Variants in IL1RAPL2 observed in about 807,000 individuals in gnomAD.
IL1RAPL2 encodes X-linked interleukin-1 receptor accessory protein-like 2.
Under a neutral mutation model 44.1 loss-of-function variants are expected in IL1RAPL2, and 3 were observed. The observed-to-expected ratio is 0.07, with a 90% CI of 0.03 to 0.18. The LOEUF (loss-of-function observed/expected upper bound fraction) is 0.18. Ranked by LOEUF, IL1RAPL2 falls within the 10% of genes least tolerant of loss-of-function variation. IL1RAPL2 has a pLI of 1.00. For missense variants in IL1RAPL2, 391 were observed against 496.4 expected (o/e 0.79, Z 2.02); for synonymous variants, 181 against 178.8 (o/e 1.01, Z -0.10).
At chrX:105,273,747 C>A (rs773133035) in intron 5 of IL1RAPL2, among the ~76,000 whole-genome samples, 1 of 111,943 alleles carries the variant, frequency 8.9e-6, no homozygotes, top group African/African-American at 3.2e-5. Flanking sequence ...ATTCTGAAGG[C>A]TCCTGTGTAT....
intron 1 of IL1RAPL2, among the ~76,000 whole-genome samples, chrX:104,585,312 A>AT (rs1928511435): frequency 4.6e-5 from 1 of 21,700 alleles, no homozygotes; most frequent in Non-Finnish European, 6.6e-5. Flanking sequence ...TATATTATAT[A>AT]ATATATATTA....
chrX:104,858,715 G>A (rs963991279), intron 2 of IL1RAPL2, among the ~76,000 whole-genome samples: 1 of 111,532 alleles, frequency 9.0e-6, no homozygotes, highest in South Asian at 3.7e-4. Flanking sequence ...AATAAAAGAC[G>A]ATTGCATTTC....
intron 5 of IL1RAPL2, among the ~76,000 whole-genome samples, chrX:105,358,619 G>T (rs751445910): frequency 1.3e-4 from 14 of 104,075 alleles, no homozygotes; most frequent in Non-Finnish European, 2.7e-4. Flanking sequence ...AGGCTGCAGT[G>T]AGCTGTGTTC....
At chrX:104,861,822 C>T (rs890080426) in intron 2 of IL1RAPL2, among the ~76,000 whole-genome samples, 2 of 111,749 alleles carry the variant, frequency 1.8e-5, no homozygotes, top group African/African-American at 6.5e-5. Context: ...TGTTTATTCA[C>T]GTTTTAAAAT....
chrX:105,025,500 A>G (rs1433057512), intron 2 of IL1RAPL2, among the ~76,000 whole-genome samples: 2 of 111,605 alleles, frequency 1.8e-5, no homozygotes, highest in Non-Finnish European at 3.8e-5. Flanking sequence ...ATTAATGTTG[A>G]AAATTGTTAC....
At chrX:105,288,759 A>T (rs56813225) in intron 5 of IL1RAPL2, among the ~76,000 whole-genome samples, 3,998 of 110,658 alleles carry the variant, frequency 0.036, 205 homozygotes, top group African/African-American at 0.12. Flanking sequence ...GCTTTTTGAC[A>T]TTAAATTTGT....
intron 1 of IL1RAPL2, among the ~76,000 whole-genome samples, chrX:104,574,071 G>T (rs990760861): frequency 9.0e-6 from 1 of 111,263 alleles, no homozygotes; most frequent in Non-Finnish European, 1.9e-5. Context: ...TTTATTTTAT[G>T]ATATGTTTAT....
chrX:104,951,928 TTGAG>T (rs1296993376), intron 2 of IL1RAPL2, among the ~76,000 whole-genome samples: 2 of 112,342 alleles, frequency 1.8e-5, no homozygotes, highest in African/African-American at 6.5e-5. Flanking sequence ...GCATTGATCT[TTGAG>T]TGAGCTACAA....
At chrX:105,489,319 A>T (rs1010071119) in intron 6 of IL1RAPL2, among the ~76,000 whole-genome samples, 20 of 111,989 alleles carry the variant, frequency 1.8e-4, no homozygotes, top group Middle Eastern at 4.7e-3. Context: ...AGTTGAAAAA[A>T]AAATATTTTC....
chrX:104,933,101 A>T (rs965440339), intron 2 of IL1RAPL2, among the ~76,000 whole-genome samples: 2 of 112,056 alleles, frequency 1.8e-5, no homozygotes, highest in Non-Finnish European at 3.8e-5. Flanking sequence ...AGTAGATTGA[A>T]AAGTACAATC....
chrX:105,532,911 A>T (rs2147793819), intron 6 of IL1RAPL2, among the ~76,000 whole-genome samples: 1 of 111,280 alleles, frequency 9.0e-6, no homozygotes, highest in African/African-American at 3.3e-5. Context: ...TAAATTTGCT[A>T]CCAGGTGCGG....
intron 6 of IL1RAPL2, among the ~76,000 whole-genome samples, chrX:105,578,221 A>G (rs2037064850): frequency 9.0e-6 from 1 of 110,825 alleles, no homozygotes; most frequent in South Asian, 3.9e-4. Context: ...GCACATGCTT[A>G]TAGATCAATA....
At chrX:104,750,854 TCA>T (rs1186475780) in intron 2 of IL1RAPL2, among the ~76,000 whole-genome samples, 1 of 110,767 alleles carries the variant, frequency 9.0e-6, no homozygotes, top group Non-Finnish European at 1.9e-5. Context: ...CCTGTGCTTA[TCA>T]CAGTTTTTAA....
At chrX:105,263,402 A>G (rs1203942347) in intron 4 of IL1RAPL2, among the ~76,000 whole-genome samples, 4 of 111,880 alleles carry the variant, frequency 3.6e-5, no homozygotes, top group Non-Finnish European at 5.6e-5. Context: ...TGTTCTTGCC[A>G]TGAAGAATGA....
Position 105,369,368 on chromosome X carries a change from C to A in IL1RAPL2, c.697+101827C>A, listed in dbSNP as rs1173746087. On this transcript the variant is annotated intron_variant, in intron 5 of 10. Transcript: ENST00000372582. Reference sequence around the variant, plus strand: ...CTCTAAATTCCTTGTGCTTGTCCAACCTGCTGTTATTCTTCTTATTGGATT... The same window carrying A: ...CTCTAAATTCCTTGTGCTTGTCCAAACTGCTGTTATTCTTCTTATTGGATT... 2.7e-5 allele frequency among the ~76,000 whole-genome samples: 3 copies of A among 110,870 alleles called. No individual in the cohort carries two copies. In the Admixed American group the frequency reaches 2.9e-4, roughly 11 times the overall value.
intron 3 of IL1RAPL2, among the ~76,000 whole-genome samples, chrX:105,228,115 A>T (rs1469626296): frequency 1.8e-5 from 2 of 112,230 alleles, no homozygotes; most frequent in African/African-American, 6.4e-5. Context: ...ATGACTGTAG[A>T]TCGATTAATT....
chrX:104,862,804 A>C (rs1922527145), intron 2 of IL1RAPL2, among the ~76,000 whole-genome samples: 1 of 112,073 alleles, frequency 8.9e-6, no homozygotes, highest in Non-Finnish European at 1.9e-5. Flanking sequence ...TTAGAGTTTA[A>C]TATGCTTCTT....
At chrX:105,201,761 G>A (rs782631358) in intron 3 of IL1RAPL2, among the ~76,000 whole-genome samples, 3 of 111,719 alleles carry the variant, frequency 2.7e-5, no homozygotes, top group Admixed American at 9.5e-5. Context: ...CTATTGATCC[G>A]TGAAAAGTTA....
chrX:105,253,651 C>T (rs1332201994), intron 4 of IL1RAPL2, among the ~76,000 whole-genome samples: 4 of 111,206 alleles, frequency 3.6e-5, no homozygotes, highest in Non-Finnish European at 7.6e-5. Flanking sequence ...CAGATTATTT[C>T]ATCACCTAGG....
Sources: allele counts gnomAD v4.1 joint callset (sites outside exome capture counted in the v4.1 genomes callset), GRCh38; gene constraint gnomAD v4.1.1; transcripts MANE v1.5; gene names NCBI Gene and HGNC (gene_info 2026-07-23, HGNC 2026-07-21).